Variants in NKAIN2 observed in about 807,000 individuals in gnomAD.
NKAIN2 encodes sodium/potassium-transporting ATPase subunit beta-1-interacting protein 2.
NKAIN2 carries 14 observed loss-of-function variants against 32.6 expected under a neutral mutation model. That is an observed-to-expected ratio of 0.43 (90% CI 0.28 to 0.67). NKAIN2 has a LOEUF of 0.67. Ranked by LOEUF, NKAIN2 falls within the 30% of genes least tolerant of loss-of-function variation. The pLI, the probability that NKAIN2 is intolerant of heterozygous loss-of-function variation, is 0.17. For missense variants in NKAIN2, 198 were observed against 258.3 expected, an observed-to-expected ratio of 0.77 and a Z score of 1.60; for synonymous variants, 80 against 87.2, an observed-to-expected ratio of 0.92 and a Z score of 0.46.
intron 1 of NKAIN2, among the ~76,000 whole-genome samples, chr6:124,040,017 T>C (rs565757968): frequency 2.6e-5 from 4 of 152,114 alleles, no homozygotes; most frequent in Admixed American, 2.0e-4. Context: ...TGTGTGCTGA[T>C]AATCTGGATT....
intron 4 of NKAIN2, among the ~76,000 whole-genome samples, chr6:124,734,061 G>GCACACACA (rs61526747): frequency 0.085 from 12,381 of 145,152 alleles, 699 homozygotes; most frequent in East Asian, 0.22. Flanking sequence ...ATGAGGAAAT[G>GCACACACA]CACACACACA....
chr6:124,030,054 A>G (rs1389150791), intron 1 of NKAIN2, among the ~76,000 whole-genome samples: 1 of 151,988 alleles, frequency 6.6e-6, no homozygotes, highest in African/African-American at 2.4e-5. Flanking sequence ...ACAAACAAAC[A>G]AACAAACAAA....
intron 3 of NKAIN2, among the ~76,000 whole-genome samples, chr6:124,385,135 C>G (rs1286467211): frequency 6.6e-6 from 1 of 152,124 alleles, no homozygotes; most frequent in Non-Finnish European, 1.5e-5. Context: ...CAAGTTAAGT[C>G]ACGTGTCACA....
chr6:124,681,667 T>C (rs896666859), intron 4 of NKAIN2, among the ~76,000 whole-genome samples: 5 of 152,070 alleles, frequency 3.3e-5, no homozygotes, highest in Non-Finnish European at 7.4e-5. Context: ...GTATGTGCTC[T>C]GCTGCTATAG....
At chr6:124,284,255 C>T (rs1795444569) in intron 2 of NKAIN2, among the ~76,000 whole-genome samples, 1 of 152,084 alleles carries the variant, frequency 6.6e-6, no homozygotes, top group Admixed American at 6.6e-5. Context: ...TAGTATTGTC[C>T]ATTTTCTTTT....
chr6:124,472,918 G>T (rs746860999), intron 3 of NKAIN2, among the ~76,000 whole-genome samples: 67 of 152,122 alleles, frequency 4.4e-4, no homozygotes, highest in Non-Finnish European at 7.6e-4. Context: ...ATGCATTGAG[G>T]TGGAGCTATG....
At chr6:124,265,143 ATT>A (rs892402956) in intron 1 of NKAIN2, among the ~76,000 whole-genome samples, 13 of 152,130 alleles carry the variant, frequency 8.5e-5, no homozygotes, top group African/African-American at 2.9e-4. Context: ...GACCTATAGC[ATT>A]TGTTTTTTTT....
At chr6:124,289,558 G>C (rs933191622) in intron 2 of NKAIN2, among the ~76,000 whole-genome samples, 2 of 152,114 alleles carry the variant, frequency 1.3e-5, no homozygotes, top group Non-Finnish European at 2.9e-5. Flanking sequence ...TTCTGTATAA[G>C]TAAAGAATCG....
At chr6:124,180,322 G>C (rs1247319098) in intron 1 of NKAIN2, among the ~76,000 whole-genome samples, 1 of 152,132 alleles carries the variant, frequency 6.6e-6, no homozygotes, top group East Asian at 1.9e-4. Flanking sequence ...GAGGAGCAAA[G>C]TCATGTCTTA....
intron 1 of NKAIN2, among the ~76,000 whole-genome samples, chr6:123,977,643 C>T (rs1270064762): frequency 6.6e-6 from 1 of 152,142 alleles, no homozygotes; most frequent in Non-Finnish European, 1.5e-5. Flanking sequence ...CTTTCTCTGG[C>T]AGTTAATTTA....
intron 3 of NKAIN2, among the ~76,000 whole-genome samples, chr6:124,358,332 A>G (rs557016968): frequency 1.3e-5 from 2 of 152,170 alleles, no homozygotes; most frequent in African/African-American, 4.8e-5. Flanking sequence ...CTAGTTCTAG[A>G]TCCCTGAGGA....
At chr6:124,397,660 A>G (rs9482544) in intron 3 of NKAIN2, among the ~76,000 whole-genome samples, 18,348 of 152,064 alleles carry the variant, frequency 0.12, 1,545 homozygotes, top group African/African-American at 0.25. Context: ...AAAACTGTTT[A>G]AATTGTATAC....
At chr6:124,238,877 G>A (rs1280234636) in intron 1 of NKAIN2, among the ~76,000 whole-genome samples, 1 of 152,078 alleles carries the variant, frequency 6.6e-6, no homozygotes, top group Non-Finnish European at 1.5e-5. Context: ...CAACAAATTG[G>A]CAAAATAACC....
chr6:124,507,683 C>G (rs963805647), intron 3 of NKAIN2, among the ~76,000 whole-genome samples: 1 of 152,042 alleles, frequency 6.6e-6, no homozygotes, highest in African/African-American at 2.4e-5. Context: ...TCCTAATACT[C>G]AAAATACTAC....
At chr6:123,886,295 T>C (rs1172389780) in intron 1 of NKAIN2, among the ~76,000 whole-genome samples, 3 of 152,092 alleles carry the variant, frequency 2.0e-5, no homozygotes, top group African/African-American at 7.2e-5. Context: ...CACAATGATT[T>C]CTTTATAAGT....
intron 1 of NKAIN2, among the ~76,000 whole-genome samples, chr6:123,998,436 G>A (rs1045971883): frequency 7.9e-5 from 12 of 152,048 alleles, no homozygotes; most frequent in Admixed American, 2.6e-4. Flanking sequence ...TGCCAATTTG[G>A]TTCCCTAAAC....
At chr6:124,172,704 A>G (rs555553086) in intron 1 of NKAIN2, among the ~76,000 whole-genome samples, 150 of 152,288 alleles carry the variant, frequency 9.8e-4, no homozygotes, top group Admixed American at 3.7e-3. Flanking sequence ...TTGTTTTACT[A>G]CATTAAATTC....
chr6:124,614,976 G>T (rs1226918770), intron 3 of NKAIN2, among the ~76,000 whole-genome samples: 1 of 152,166 alleles, frequency 6.6e-6, no homozygotes, highest in African/African-American at 2.4e-5. Flanking sequence ...TGTTTACGGT[G>T]CTGAACAGTG....
chr6:124,632,373 T>C (rs1783604290), intron 3 of NKAIN2, among the ~76,000 whole-genome samples: 1 of 152,164 alleles, frequency 6.6e-6, no homozygotes, highest in Admixed American at 6.5e-5. Flanking sequence ...TGCTGCAGTA[T>C]CAGCACCATT....
Sources: gnomAD v4.1 joint callset for allele counts (sites outside exome capture counted in the v4.1 genomes callset) on GRCh38, gnomAD v4.1.1 for gene constraint, MANE v1.5 for transcripts, NCBI Gene and HGNC (gene_info 2026-07-23, HGNC 2026-07-21) for gene names.